GPC6: variants seen among roughly 807,000 people sequenced by gnomAD.
The protein encoded by GPC6 is glypican 6.
In GPC6, 14 loss-of-function variants were observed where a neutral mutation model predicts 55.2. That is an observed-to-expected ratio of 0.25 (90% CI 0.17 to 0.40). The LOEUF (loss-of-function observed/expected upper bound fraction) is 0.40, where lower values mean the gene tolerates loss of function less well. GPC6 is among the 10% of genes least tolerant of loss of function. The pLI is 1.00. For missense variants in GPC6, 641 were observed against 708.5 expected, an observed-to-expected ratio of 0.90 and a Z score of 1.08; for synonymous variants, 278 against 259.6, an observed-to-expected ratio of 1.07 and a Z score of -0.68.
rs573961875 is a variant in GPC6 at position 93,284,733 on chromosome 13, G to A, written c.160+57117G>A. On this transcript the variant is annotated intron_variant, in intron 1 of 8. Transcript: ENST00000377047. ...AACAAATATTCAGTGAGTGCCTACT[G>A]TGTGCCAAGTGCTGGAGACACAGTG... Among the ~76,000 whole-genome samples, 4 of 152,274 alleles carry A rather than the reference G, an allele frequency of 2.6e-5. No individual in the cohort carries two copies. In the East Asian group the frequency reaches 5.8e-4, roughly 22 times the overall value.
At chr13:94,329,685 T>C (rs1877309364) in intron 6 of GPC6, among the ~76,000 whole-genome samples, 2 of 152,312 alleles carry the variant, frequency 1.3e-5, no homozygotes, top group South Asian at 4.1e-4. Context: ...TGGGATTGAA[T>C]GGGTTTAGGA....
chr13:94,360,530 G>A (rs1171786289), intron 6 of GPC6, among the ~76,000 whole-genome samples: 1 of 152,076 alleles, frequency 6.6e-6, no homozygotes, highest in Non-Finnish European at 1.5e-5. Context: ...GGCATTGTTA[G>A]AAATGGTTTA....
chr13:94,270,445 A>G (rs1891955186), intron 4 of GPC6, among the ~76,000 whole-genome samples: 1 of 152,204 alleles, frequency 6.6e-6, no homozygotes, highest in Non-Finnish European at 1.5e-5. Context: ...ATCTAACTAT[A>G]TTGCTATTGA....
At position 93,581,661 on chromosome 13, in the gene GPC6, G is replaced by A. The variant is rs925314978; in HGVS notation, c.319+36240G>A. 6.6e-5 allele frequency among the ~76,000 whole-genome samples: 10 copies of A among 152,140 alleles called. No homozygotes were observed. In the East Asian group the frequency reaches 7.7e-4, roughly 12 times the overall value. On this transcript the variant is annotated intron_variant, in intron 2 of 8. Coordinates refer to ENST00000377047, the MANE Select transcript of GPC6 (RefSeq NM_005708.5). Reference sequence around the variant, plus strand: ...GGAGATCGCAGTGAGCGAAGATTGCGCTGCTGCACTCCAGCCTGGGCAACA... The same window carrying A: ...GGAGATCGCAGTGAGCGAAGATTGCACTGCTGCACTCCAGCCTGGGCAACA...
At position 93,489,595 on chromosome 13, in the gene GPC6, A is replaced by G. The variant is rs1470877363; in HGVS notation, c.161-55668A>G. Among the ~76,000 whole-genome samples the G allele has an allele frequency of 4.0e-5, 6 of 151,524 alleles. 1 individual carries two copies. In the East Asian group the frequency reaches 1.3e-3, roughly 33 times the overall value. ...CATTTTCACAATATTGATTCTTCCT[A>G]TCCATGAGCATGGAATGTTCTTCCA... On this transcript the variant is annotated intron_variant, in intron 1 of 8. Coordinates refer to ENST00000377047, the MANE Select transcript of GPC6 (RefSeq NM_005708.5).
At chr13:93,434,332 A>G (rs980759650) in intron 1 of GPC6, among the ~76,000 whole-genome samples, 50 of 152,144 alleles carry the variant, frequency 3.3e-4, no homozygotes, top group African/African-American at 1.2e-3. Context: ...GAAGAATATT[A>G]CCTTGAGAGA....
intron 1 of GPC6, among the ~76,000 whole-genome samples, chr13:93,414,819 T>C (rs1280948103): frequency 3.9e-5 from 6 of 152,156 alleles, no homozygotes; most frequent in Non-Finnish European, 7.4e-5. Context: ...CCCTCCCTCT[T>C]AATGTTATGA....
intron 1 of GPC6, among the ~76,000 whole-genome samples, chr13:93,264,721 C>T (rs1877264856): frequency 6.6e-6 from 1 of 152,104 alleles, no homozygotes; most frequent in Non-Finnish European, 1.5e-5. Context: ...TAAATCATCT[C>T]TACATTACTT....
chr13:94,239,908 A>G (rs1381852459), intron 4 of GPC6, among the ~76,000 whole-genome samples: 1 of 152,064 alleles, frequency 6.6e-6, no homozygotes, highest in Non-Finnish European at 1.5e-5. Flanking sequence ...TGTTGTGCAA[A>G]GGAGACTCCT....
chr13:94,296,467 A>G (rs1875339739), intron 5 of GPC6, among the ~76,000 whole-genome samples: 1 of 152,192 alleles, frequency 6.6e-6, no homozygotes. Flanking sequence ...ACTTCTTCCT[A>G]CTTAAGAGAA....
intron 2 of GPC6, among the ~76,000 whole-genome samples, chr13:93,680,700 C>G (rs1488505447): frequency 1.3e-5 from 2 of 152,128 alleles, no homozygotes; most frequent in Non-Finnish European, 2.9e-5. Context: ...GCTCTCATTT[C>G]AAAGCAACTG....
chr13:93,544,473 A>G (rs1411284333), intron 1 of GPC6, among the ~76,000 whole-genome samples: 1 of 152,186 alleles, frequency 6.6e-6, no homozygotes, highest in Non-Finnish European at 1.5e-5. Context: ...GCTGTGAGAA[A>G]GATTTTTGAC....
At chr13:94,345,406 AG>A (rs1425121503) in intron 6 of GPC6, among the ~76,000 whole-genome samples, 23 of 152,228 alleles carry the variant, frequency 1.5e-4, no homozygotes, top group Non-Finnish European at 4.4e-5. Context: ...TTAAATAGCA[AG>A]CTCCCTCTGA....
At chr13:93,297,511 G>A (rs1878534716) in intron 1 of GPC6, among the ~76,000 whole-genome samples, 1 of 152,048 alleles carries the variant, frequency 6.6e-6, no homozygotes, top group South Asian at 2.1e-4. Flanking sequence ...TGCACCTGTG[G>A]TCCCAGCTAC....
intron 6 of GPC6, among the ~76,000 whole-genome samples, chr13:94,381,560 A>T (rs1880159323): frequency 6.6e-6 from 1 of 152,112 alleles, no homozygotes; most frequent in Admixed American, 6.5e-5. Context: ...CTCTGTCATG[A>T]CCCTATCTCA....
intron 2 of GPC6, among the ~76,000 whole-genome samples, chr13:93,722,444 A>G (rs993736033): frequency 6.6e-6 from 1 of 151,862 alleles, no homozygotes; most frequent in Non-Finnish European, 1.5e-5. Flanking sequence ...AACGAAGTGT[A>G]TGTATTAGCC....
chr13:93,633,566 GC>G (rs570625602), intron 2 of GPC6, among the ~76,000 whole-genome samples: 1 of 151,978 alleles, frequency 6.6e-6, no homozygotes, highest in Non-Finnish European at 1.5e-5. Context: ...AACCCAGCAG[GC>G]GGAGGTTGCC....
intron 3 of GPC6, among the ~76,000 whole-genome samples, chr13:93,957,975 CA>C (rs1250390869): frequency 6.6e-6 from 1 of 152,128 alleles, no homozygotes; most frequent in Non-Finnish European, 1.5e-5. Flanking sequence ...TGATGATGAC[CA>C]TTTTTCCATA....
At chr13:93,432,068 C>T (rs1262481623) in intron 1 of GPC6, among the ~76,000 whole-genome samples, 2 of 152,250 alleles carry the variant, frequency 1.3e-5, no homozygotes, top group East Asian at 1.9e-4. Flanking sequence ...TCAATTGCAG[C>T]ATCCTTTGGT....
Sources: allele counts gnomAD v4.1 joint callset (sites outside exome capture counted in the v4.1 genomes callset), GRCh38; gene constraint gnomAD v4.1.1; transcripts MANE v1.5; gene names NCBI Gene and HGNC (gene_info 2026-07-23, HGNC 2026-07-21).